GRM7: variants seen among roughly 807,000 people sequenced by gnomAD.
The protein encoded by GRM7 is glutamate metabotropic receptor 7.
GRM7 carries 35 observed loss-of-function variants against 84.5 expected under a neutral mutation model. The observed-to-expected ratio is 0.41, with a 90% confidence interval of 0.32 to 0.55. The LOEUF (loss-of-function observed/expected upper bound fraction) is 0.55. Among genes scored for constraint, GRM7 ranks in the 20% least tolerant of loss-of-function variants. The pLI is 0.19. For synonymous variants in GRM7, 487 were observed against 455.1 expected (o/e 1.07, Z -0.89); for missense variants, 1,003 against 1,194.6 (o/e 0.84, Z 2.36).
intron 4 of GRM7, among the ~76,000 whole-genome samples, chr3:7,400,994 T>C (rs1424755306): frequency 6.6e-6 from 1 of 152,098 alleles, no homozygotes; most frequent in Non-Finnish European, 1.5e-5. Flanking sequence ...GCTGGAATCA[T>C]TGGTATTGTT....
chr3:7,324,864 T>C (rs1546238), intron 4 of GRM7, among the ~76,000 whole-genome samples: 63,955 of 151,982 alleles, frequency 0.42, 13,526 homozygotes, highest in Middle Eastern at 0.5. Flanking sequence ...TCTGGCCTCT[T>C]CTAACCTTGG....
At chr3:7,387,413 A>G (rs1383765555) in intron 4 of GRM7, among the ~76,000 whole-genome samples, 1 of 152,200 alleles carries the variant, frequency 6.6e-6, no homozygotes, top group Non-Finnish European at 1.5e-5. Flanking sequence ...TTAGATTTTT[A>G]TAGATTTAAG....
intron 2 of GRM7, among the ~76,000 whole-genome samples, chr3:7,288,027 C>T (rs1699492647): frequency 6.6e-6 from 1 of 152,088 alleles, no homozygotes; most frequent in African/African-American, 2.4e-5. Context: ...AATCATATGA[C>T]AGTAATGTTT....
intron 5 of GRM7, among the ~76,000 whole-genome samples, chr3:7,444,707 C>A (rs1010953189): frequency 1.1e-4 from 16 of 152,096 alleles, no homozygotes; most frequent in Admixed American, 3.9e-4. Context: ...CCATCCACCC[C>A]CTGCTCCCAA....
intron 8 of GRM7, among the ~76,000 whole-genome samples, chr3:7,673,308 T>G (rs541037541): frequency 2.6e-5 from 4 of 152,338 alleles, no homozygotes; most frequent in African/African-American, 7.2e-5. Context: ...TAATACTTGC[T>G]TCAAGTGTCG....
At chr3:7,016,606 T>C (rs911690175) in intron 1 of GRM7, among the ~76,000 whole-genome samples, 29 of 152,330 alleles carry the variant, frequency 1.9e-4, no homozygotes, top group Middle Eastern at 3.4e-3. Flanking sequence ...ATGTCTTGTT[T>C]ATTTAAAACT....
At chr3:7,307,779 C>T (rs937244312) in intron 4 of GRM7, among the ~76,000 whole-genome samples, 2 of 152,114 alleles carry the variant, frequency 1.3e-5, no homozygotes, top group African/African-American at 4.8e-5. Context: ...CTTCTCCATT[C>T]CTTGCACTGG....
intron 8 of GRM7, among the ~76,000 whole-genome samples, chr3:7,655,829 A>AC (rs1292281547): frequency 2.0e-5 from 3 of 152,180 alleles, no homozygotes; most frequent in Admixed American, 6.5e-5. Context: ...TTACCCATGC[A>AC]CTTTTCAGGA....
At chr3:7,266,101 G>A (rs4684548) in intron 2 of GRM7, among the ~76,000 whole-genome samples, 121,135 of 152,084 alleles carry the variant, frequency 0.8, 48,950 homozygotes, top group East Asian at 0.97. Flanking sequence ...AGAAGAGAGC[G>A]AGAGAGAGAA....
chr3:7,166,612 G>A (rs1051389733), intron 2 of GRM7, among the ~76,000 whole-genome samples: 1 of 147,002 alleles, frequency 6.8e-6, no homozygotes, highest in Non-Finnish European at 1.5e-5. Context: ...CTCTAGCCCA[G>A]AAATGTGGAT....
At chr3:7,073,490 G>GA (rs1320166773) in intron 1 of GRM7, among the ~76,000 whole-genome samples, 1 of 151,834 alleles carries the variant, frequency 6.6e-6, no homozygotes, top group African/African-American at 2.4e-5. Context: ...ATATTTGAAG[G>GA]AAAAAAATAT....
chr3:7,298,170 G>A (rs1403357355), intron 2 of GRM7, among the ~76,000 whole-genome samples: 3 of 152,054 alleles, frequency 2.0e-5, no homozygotes, highest in Non-Finnish European at 2.9e-5. Flanking sequence ...TATAGTTGAT[G>A]TTCTTGGTTT....
chr3:6,936,732 A>C (rs1483913917), intron 1 of GRM7, among the ~76,000 whole-genome samples: 2 of 152,176 alleles, frequency 1.3e-5, no homozygotes, highest in East Asian at 1.9e-4. Flanking sequence ...ACATTCTATG[A>C]GTTTCTACAT....
At chr3:7,260,697 G>GTGTGTGTGTGTA (rs1220313856) in intron 2 of GRM7, among the ~76,000 whole-genome samples, 9 of 151,912 alleles carry the variant, frequency 5.9e-5, no homozygotes, top group Admixed American at 1.3e-4. Context: ...GTGTGTGTGT[G>GTGTGTGTGTGTA]TGTGTGTGTC....
chr3:6,885,870 G>T (rs966042044), intron 1 of GRM7, among the ~76,000 whole-genome samples: 4 of 152,052 alleles, frequency 2.6e-5, no homozygotes, highest in Non-Finnish European at 5.9e-5. Flanking sequence ...CTTATTGAAG[G>T]TCTCCAGTCT....
At chr3:7,335,737 C>T (rs915065889) in intron 4 of GRM7, among the ~76,000 whole-genome samples, 5 of 151,944 alleles carry the variant, frequency 3.3e-5, no homozygotes, top group African/African-American at 1.2e-4. Context: ...ACAACAAATA[C>T]CACAGAAATA....
intron 1 of GRM7, among the ~76,000 whole-genome samples, chr3:7,063,396 C>G (rs1373585540): frequency 1.3e-5 from 2 of 151,718 alleles, no homozygotes; most frequent in African/African-American, 4.8e-5. Context: ...GAAGACTAAG[C>G]AGGTGAAGCT....
chr3:7,578,471 T>C lies in GRM7; in HGVS notation c.1565T>C (p.Val522Ala). Residue 522 changes from valine to alanine, a missense_variant, in exon 8 of 10, where the codon GTG (valine) becomes GCG (alanine). Around this residue, in one of 2 missense-constraint regions of GRM7, gnomAD observed 910 missense variants for 1,126.0 expected, o/e 0.81. Coordinates refer to ENST00000357716, the MANE Select transcript of GRM7 (RefSeq NM_000844.4). ...GKGVREIPAS[V>A]CTLPCKPGQR... ...GGAGTCCGAGAGATACCCGCCTCAGTGTGCACACTACCATGTAAGCCAGGA... is the reference window on the plus strand; with the variant it reads ...GGAGTCCGAGAGATACCCGCCTCAGCGTGCACACTACCATGTAAGCCAGGA... 6.2e-7 allele frequency: 1 copy of C among 1,613,800 alleles called. No individual in the cohort carries two copies. The highest frequency in any genetic ancestry group is 8.5e-7 in the Non-Finnish European group (1 of 1,179,840).
At chr3:7,582,528 G>A (rs1273092302) in intron 8 of GRM7, among the ~76,000 whole-genome samples, 1 of 152,172 alleles carries the variant, frequency 6.6e-6, no homozygotes, top group East Asian at 1.9e-4. Flanking sequence ...ACCGTGAGAA[G>A]AGGAAAAAGA....
Sources: gnomAD v4.1 joint callset for allele counts (sites outside exome capture counted in the v4.1 genomes callset) on GRCh38, gnomAD v4.1.1 for gene constraint, gnomAD v4.1.1 regional missense constraint, MANE v1.5 for transcripts, NCBI Gene and HGNC (gene_info 2026-07-23, HGNC 2026-07-21) for gene names.